Variants in CYP3A7 observed in about 807,000 individuals in gnomAD.
CYP3A7 encodes the protein cytochrome P450 3A7.
A neutral mutation model predicts 55.2 loss-of-function variants in CYP3A7; 45 were observed. The observed-to-expected ratio is 0.82, with a 90% CI of 0.64 to 1.05. CYP3A7 has a LOEUF of 1.05. CYP3A7 is among the 50% of genes least tolerant of loss of function. The probability of loss-of-function intolerance (pLI) is 0.00; values close to 1 mark genes in which losing one functional copy is unlikely to be tolerated. For missense variants in CYP3A7, 548 were observed against 605.3 expected (o/e 0.91, Z 0.99); for synonymous variants, 180 against 207.4 (o/e 0.87, Z 1.13).
At chr7:99,734,914 G>A (rs1814771590) in intron 1 of CYP3A7, 109 bp downstream of exon 1, 1 of 1,549,088 alleles carries the variant, frequency 6.5e-7, no homozygotes, top group Non-Finnish European at 8.9e-7. Flanking sequence ...AGCCACCACG[G>A]CCAGCCTGAA....
At chr7:99,734,026 G>A (rs976902713) in intron 1 of CYP3A7, among the ~76,000 whole-genome samples, 5 of 152,098 alleles carry the variant, frequency 3.3e-5, no homozygotes, top group African/African-American at 4.8e-5. Context: ...TGAACTAATA[G>A]CCCTCTTTTA....
At chr7:99,717,416 C>T in intron 5 of CYP3A7, 110 bp downstream of exon 5, 1 of 1,582,408 alleles carries the variant, frequency 6.3e-7, no homozygotes. Flanking sequence ...TTTTAGGAAG[C>T]TCAAATTCAG....
intron 10 of CYP3A7, 145 bp downstream of exon 10, chr7:99,710,587 C>CT: frequency 6.9e-7 from 1 of 1,458,720 alleles, no homozygotes; most frequent in Non-Finnish European, 9.1e-7. Context: ...ATGCTTCCTT[C>CT]TTTTTATTTT....
intron 12 of CYP3A7, 67 bp downstream of exon 12, chr7:99,707,745 A>C: frequency 6.3e-7 from 1 of 1,593,508 alleles, no homozygotes; most frequent in Non-Finnish European, 8.6e-7. Context: ...ATTCTTTTTT[A>C]AATATATAGA....
chr7:99,722,179 A>T, intron 3 of CYP3A7, 117 bp downstream of exon 3: 1 of 1,269,304 alleles, frequency 7.9e-7, no homozygotes, highest in Non-Finnish European at 1.1e-6. Context: ...CTCTGTTTGT[A>T]GTTAGGCTGG....
At chr7:99,732,031 T>C (rs1270874499) in intron 1 of CYP3A7, among the ~76,000 whole-genome samples, 1 of 152,196 alleles carries the variant, frequency 6.6e-6, no homozygotes, top group African/African-American at 2.4e-5. Flanking sequence ...TCTGAATCTG[T>C]GCCCCTACCC....
At chr7:99,716,098 C>G (rs1382834470) in intron 6 of CYP3A7, among the ~76,000 whole-genome samples, 192 bp from the exon 7 acceptor site, 2 of 152,180 alleles carry the variant, frequency 1.3e-5, no homozygotes, top group African/African-American at 4.8e-5. Context: ...ACAGCTGGCT[C>G]TCCGCTGGGG....
At chr7:99,712,184 T>C (rs1563020403) in intron 9 of CYP3A7, among the ~76,000 whole-genome samples, 1 of 152,128 alleles carries the variant, frequency 6.6e-6, no homozygotes, top group Non-Finnish European at 1.5e-5. Context: ...GAAATAAATA[T>C]AGTGCCTGTT....
At chr7:99,715,684 A>C in intron 7 of CYP3A7, 74 bp downstream of exon 7, 1 of 1,607,580 alleles carries the variant, frequency 6.2e-7, no homozygotes, top group Non-Finnish European at 8.5e-7. Context: ...GATGAATTAC[A>C]TGGTGATTTA....
At chr7:99,710,589 T>C in intron 10 of CYP3A7, 143 bp downstream of exon 10, 1 of 1,467,906 alleles carries the variant, frequency 6.8e-7, no homozygotes, top group Non-Finnish European at 9.1e-7. Flanking sequence ...GCTTCCTTCT[T>C]TTTATTTTGA....
intron 2 of CYP3A7, among the ~76,000 whole-genome samples, chr7:99,729,534 C>T (rs547766077): frequency 2.6e-5 from 4 of 152,266 alleles, no homozygotes; most frequent in East Asian, 3.9e-4. Context: ...CAAGCCTGCA[C>T]GTGTACATCC....
At chr7:99,720,555 AG>A in intron 3 of CYP3A7, 143 bp from the exon 4 acceptor site, 1 of 903,514 alleles carries the variant, frequency 1.1e-6, no homozygotes, top group East Asian at 2.8e-5. Flanking sequence ...CTAGTTCATT[AG>A]GTATAACTCA....
intron 12 of CYP3A7, 40 bp downstream of exon 12, chr7:99,707,772 A>G: frequency 6.2e-7 from 1 of 1,612,474 alleles, no homozygotes; most frequent in Non-Finnish European, 8.5e-7. Context: ...AGTTAAAATA[A>G]TTGTTAATAA....
chr7:99,713,594 TC>T, intron 8 of CYP3A7, 59 bp from the exon 9 acceptor site: 1 of 1,610,588 alleles, frequency 6.2e-7, no homozygotes, highest in Non-Finnish European at 8.5e-7. Context: ...CAGAAGTTAA[TC>T]AGAAGTGCAG....
chr7:99,709,206 T>C lies in CYP3A7; in HGVS notation c.1082A>G (p.Asn361Ser). The C allele has an allele frequency of 1.2e-6, 2 of 1,613,990 alleles. No individual in the cohort carries two copies. The highest frequency in any genetic ancestry group is 1.7e-6 in the Non-Finnish European group (2 of 1,179,940). Residue 361 changes from asparagine to serine, a missense_variant, in exon 11 of 13, where the codon AAT (asparagine) becomes AGT (serine). By Grantham distance (46) the Asn-to-Ser change is conservative. Transcript: ENST00000336374. ...AACTGGGAATAATCTGAGTGTTTCA[T>C]TCACCACCATGTCAAGATACTCCAA... ...LQLEYLDMVV[N>S]ETLRLFPVAM...
chr7:99,717,691 A>G (rs45446903), intron 4 of CYP3A7, 52 bp from the exon 5 acceptor site: 6 of 1,599,670 alleles, frequency 3.8e-6, no homozygotes, highest in African/African-American at 2.7e-5. Flanking sequence ...GGAGGTCTCC[A>G]TGGTTGTAGA....
intron 2 of CYP3A7, among the ~76,000 whole-genome samples, chr7:99,724,870 C>T (rs772128197): frequency 2.6e-4 from 39 of 152,202 alleles, no homozygotes; most frequent in African/African-American, 9.4e-4. Flanking sequence ...CTCAGTCCTG[C>T]GATTTAACCT....
intron 2 of CYP3A7, chr7:99,730,779 C>G (rs369169992): frequency 6.2e-5 from 24 of 387,978 alleles, no homozygotes; most frequent in African/African-American, 4.9e-4. Context: ...AAAGGAAATG[C>G]TCTTTATGGT....
At chr7:99,709,635 T>C (rs971208766) in intron 10 of CYP3A7, among the ~76,000 whole-genome samples, 2 of 152,188 alleles carry the variant, frequency 1.3e-5, no homozygotes, top group African/African-American at 4.8e-5. Context: ...GTTACACGTC[T>C]GTAACCAAGG....
Sources: allele counts gnomAD v4.1 joint callset (sites outside exome capture counted in the v4.1 genomes callset), GRCh38; gene constraint gnomAD v4.1.1; transcripts MANE v1.5; gene names NCBI Gene and HGNC (gene_info 2026-07-23, HGNC 2026-07-21).